Variants in ZNF385D observed in about 807,000 individuals in gnomAD.
ZNF385D encodes zinc finger protein 659.
In ZNF385D, 15 loss-of-function variants were observed where a neutral mutation model predicts 35.8. That is an observed-to-expected ratio of 0.42 (90% confidence interval 0.28 to 0.64). The LOEUF (loss-of-function observed/expected upper bound fraction) is 0.64, where lower values mean the gene tolerates loss of function less well. ZNF385D is among the 30% of genes least tolerant of loss of function. The probability of loss-of-function intolerance (pLI) is 0.23; values close to 1 mark genes in which losing one functional copy is unlikely to be tolerated. For synonymous variants in ZNF385D, 212 were observed against 186.8 expected (o/e 1.13, Z -1.10); for missense variants, 474 against 494.6 (o/e 0.96, Z 0.39).
intron 2 of ZNF385D, among the ~76,000 whole-genome samples, chr3:21,565,431 T>C (rs1005037880): frequency 6.6e-6 from 1 of 152,110 alleles, no homozygotes; most frequent in Non-Finnish European, 1.5e-5. Context: ...CTGGCTGGAG[T>C]GCAGTGGTGA....
intron 3 of ZNF385D, among the ~76,000 whole-genome samples, chr3:22,044,945 T>TA (rs1559329494): frequency 6.6e-6 from 1 of 151,948 alleles, no homozygotes; most frequent in Admixed American, 6.6e-5. Context: ...GAGAGGTACA[T>TA]AAAAAAAGAC....
chr3:21,805,803 T>G (rs1223707945), intron 3 of ZNF385D, among the ~76,000 whole-genome samples: 1 of 152,146 alleles, frequency 6.6e-6, no homozygotes, highest in Non-Finnish European at 1.5e-5. Flanking sequence ...GCAATCCTAG[T>G]GAAAGAATGG....
intron 3 of ZNF385D, among the ~76,000 whole-genome samples, chr3:21,819,146 T>A (rs557816057): frequency 6.6e-6 from 1 of 151,728 alleles, no homozygotes; most frequent in Non-Finnish European, 1.5e-5. Flanking sequence ...CTAAAAATAG[T>A]CATGAAATGG....
At chr3:22,191,156 G>T (rs1023547401) in intron 2 of ZNF385D, among the ~76,000 whole-genome samples, 7 of 151,796 alleles carry the variant, frequency 4.6e-5, no homozygotes, top group African/African-American at 1.2e-4. Flanking sequence ...AATTATTATT[G>T]GTCTAATTAT....
chr3:22,348,590 G>A (rs111896449), intron 2 of ZNF385D, among the ~76,000 whole-genome samples: 47,490 of 150,944 alleles, frequency 0.31, 8,122 homozygotes, highest in African/African-American at 0.42. Context: ...CCTGAACCCC[G>A]GGAGGTGGAA....
chr3:21,643,415 C>T (rs1255203998), intron 2 of ZNF385D, among the ~76,000 whole-genome samples: 1 of 152,090 alleles, frequency 6.6e-6, no homozygotes, highest in Non-Finnish European at 1.5e-5. Context: ...GCTGTATCCT[C>T]CATCTTCACT....
chr3:22,347,132 C>T (rs1695694712), intron 2 of ZNF385D, among the ~76,000 whole-genome samples: 1 of 152,166 alleles, frequency 6.6e-6, no homozygotes, highest in Admixed American at 6.5e-5. Context: ...TGTATGTTTT[C>T]ATTACCCTTT....
chr3:22,354,697 A>G lies in ZNF385D; in HGVS notation c.106+17753T>C, dbSNP rs79695821. Among the ~76,000 whole-genome samples, 702 of 152,208 alleles carry G rather than the reference A, an allele frequency of 4.6e-3. 5 individuals carry two copies. The highest frequency in any genetic ancestry group is 0.016 in the African/African-American group (663 of 41,522). On this transcript the variant is annotated intron_variant, in intron 2 of 5. Transcript: ENST00000494108. ...CCCATATTGTTTTTATCATAACCTT[A>G]ATTTTAAAAATGCAGACAATAACAG...
At chr3:21,991,406 A>T (rs1695136776) in intron 3 of ZNF385D, among the ~76,000 whole-genome samples, 1 of 152,174 alleles carries the variant, frequency 6.6e-6, no homozygotes. Flanking sequence ...CTAAGTATAA[A>T]CTGGAAATAA....
chr3:21,888,214 G>A (rs1241013833), intron 3 of ZNF385D, among the ~76,000 whole-genome samples: 1 of 152,056 alleles, frequency 6.6e-6, no homozygotes, highest in African/African-American at 2.4e-5. Flanking sequence ...TTCATTAGGT[G>A]GTTAAATAAC....
At chr3:21,834,855 C>T (rs961498540) in intron 3 of ZNF385D, among the ~76,000 whole-genome samples, 1 of 152,030 alleles carries the variant, frequency 6.6e-6, no homozygotes, top group Non-Finnish European at 1.5e-5. Context: ...TGTGGTACTT[C>T]CCCCTTGTGA....
intron 3 of ZNF385D, among the ~76,000 whole-genome samples, chr3:21,861,283 T>C (rs1306805684): frequency 6.6e-6 from 1 of 152,148 alleles, no homozygotes; most frequent in Non-Finnish European, 1.5e-5. Flanking sequence ...CACTATAAAC[T>C]GGAAAATTCA....
rs181590902 is a variant in ZNF385D at position 21,429,403 on chromosome 3, T to C, written c.674-3733A>G. 5.8e-4 allele frequency among the ~76,000 whole-genome samples: 88 copies of C among 152,224 alleles called. 1 individual carries two copies. Among genetic ancestry groups the C allele is most frequent in the South Asian group, 6.2e-4 (3 of 4,830 alleles). ...TTTTAGAAATGCACATGATTTTTAATGACAGCATAGACTTGTAATACATCG... is the reference window on the plus strand; with the variant it reads ...TTTTAGAAATGCACATGATTTTTAACGACAGCATAGACTTGTAATACATCG... On this transcript the variant is annotated intron_variant, in intron 5 of 7. Coordinates refer to ENST00000281523, the MANE Select transcript of ZNF385D (RefSeq NM_024697.3).
chr3:21,567,613 GA>G (rs952230900), intron 2 of ZNF385D, among the ~76,000 whole-genome samples: 4 of 152,130 alleles, frequency 2.6e-5, no homozygotes, highest in Admixed American at 6.6e-5. Context: ...CTTACAGGTA[GA>G]TGCCTTATCA....
intron 5 of ZNF385D, among the ~76,000 whole-genome samples, chr3:21,428,296 A>G (rs140400387): frequency 1.7e-3 from 254 of 152,166 alleles, no homozygotes; most frequent in African/African-American, 5.8e-3. Context: ...CAGCTACCCT[A>G]TGAGCTGGGT....
At chr3:21,512,230 G>T (rs1014934950) in intron 3 of ZNF385D, among the ~76,000 whole-genome samples, 1 of 151,990 alleles carries the variant, frequency 6.6e-6, no homozygotes, top group Non-Finnish European at 1.5e-5. Flanking sequence ...ATTTCTTGGG[G>T]GAGAAAATAC....
At chr3:22,207,280 A>T (rs1021973613) in intron 2 of ZNF385D, among the ~76,000 whole-genome samples, 1 of 151,968 alleles carries the variant, frequency 6.6e-6, no homozygotes, top group African/African-American at 2.4e-5. Context: ...TGCCAAAACA[A>T]TTCCATACAT....
At chr3:21,973,294 T>C (rs1703383526) in intron 3 of ZNF385D, among the ~76,000 whole-genome samples, 1 of 152,004 alleles carries the variant, frequency 6.6e-6, no homozygotes, top group South Asian at 2.1e-4. Context: ...ATATCTTATA[T>C]CAGTAGAATG....
intron 3 of ZNF385D, among the ~76,000 whole-genome samples, chr3:21,811,428 GT>G (rs1378789471): frequency 1.3e-5 from 2 of 152,196 alleles, no homozygotes; most frequent in East Asian, 1.9e-4. Context: ...AAAGTAGAAA[GT>G]TTTTCTACTT....
Sources: gnomAD v4.1 joint callset for allele counts (sites outside exome capture counted in the v4.1 genomes callset) on GRCh38, gnomAD v4.1.1 for gene constraint, MANE v1.5 for transcripts, NCBI Gene and HGNC (gene_info 2026-07-23, HGNC 2026-07-21) for gene names.